SEL1L: variants seen among roughly 807,000 people sequenced by gnomAD.
SEL1L encodes the protein SEL1L adaptor subunit of SYVN1 ubiquitin ligase, also known as protein sel-1 homolog 1.
A neutral mutation model predicts 109.8 loss-of-function variants in SEL1L; 52 were observed. The observed-to-expected ratio is 0.47, with a 90% CI of 0.38 to 0.60. The LOEUF is 0.60. SEL1L is among the 20% of genes least tolerant of loss of function. The probability of loss-of-function intolerance (pLI) is 0.00; values close to 1 mark genes in which losing one functional copy is unlikely to be tolerated. For missense variants in SEL1L, 749 were observed against 962.2 expected (o/e 0.78, Z 2.93); for synonymous variants, 373 against 339.6 (o/e 1.10, Z -1.08).
At chr14:81,493,285 G>A (rs1014481060) in intron 11 of SEL1L, among the ~76,000 whole-genome samples, 19 of 152,096 alleles carry the variant, frequency 1.2e-4, no homozygotes, top group South Asian at 2.1e-4. Flanking sequence ...CAAGACGGGC[G>A]AATCACTTGA....
At position 81,502,807 on chromosome 14, in the gene SEL1L, A is replaced by C; in HGVS notation, c.691T>G (p.Phe231Val). 2 of 1,614,136 alleles carry C rather than the reference A, an allele frequency of 1.2e-6. No homozygotes were observed. The highest frequency in any genetic ancestry group is 1.7e-6 in the Non-Finnish European group (2 of 1,179,994). ...ATATTCTGTGGCAAGTAATCACCAA[A>C]TAAAAGAGCATATGACACTCTCTCC... Reference protein sequence around the residue: ...ALERVSYALLFGDYLPQNIQA... With the variant: ...ALERVSYALLVGDYLPQNIQA... Residue 231 changes from phenylalanine (F) to valine (V), a missense_variant, in exon 6 of 21, where the codon TTT becomes GTT. This residue lies in a region of SEL1L where 366 missense variants were observed against 399.8 expected (regional missense o/e 0.92). Transcript: ENST00000336735.
chr14:81,499,128 T>G, intron 8 of SEL1L: 1 of 1,021,784 alleles, frequency 9.8e-7, no homozygotes, highest in Non-Finnish European at 1.2e-6. Flanking sequence ...TAAAGAAAAA[T>G]TTTTAAAATT....
At chr14:81,479,063 C>T (rs1350913995) in intron 20 of SEL1L, among the ~76,000 whole-genome samples, 5 of 152,156 alleles carry the variant, frequency 3.3e-5, no homozygotes, top group African/African-American at 1.2e-4. Flanking sequence ...GTATTGCCAA[C>T]TAAAGTTGGT....
At chr14:81,532,560 A>G (rs1247411055) in intron 1 of SEL1L, among the ~76,000 whole-genome samples, 1 of 152,210 alleles carries the variant, frequency 6.6e-6, no homozygotes, top group Non-Finnish European at 1.5e-5. Flanking sequence ...AGTAATTAGC[A>G]TAGGGTTGGT....
chr14:81,482,421 G>C (rs1276000418), intron 19 of SEL1L, among the ~76,000 whole-genome samples: 1 of 152,124 alleles, frequency 6.6e-6, no homozygotes, highest in Non-Finnish European at 1.5e-5. Context: ...GCTCATACCT[G>C]CAATCCCAGC....
intron 14 of SEL1L, 162 bp downstream of exon 14, chr14:81,489,090 G>A (rs1180281180): frequency 7.3e-6 from 5 of 682,516 alleles, no homozygotes; most frequent in South Asian, 1.6e-5. Context: ...TGTCTGTCGG[G>A]TATGGGGTGG....
Position 81,487,514 on chromosome 14 carries a change from T to A in SEL1L, c.1508A>T (p.Tyr503Phe). The A allele has an allele frequency of 6.2e-7, 1 of 1,603,482 alleles. No homozygotes were observed. The highest frequency in any genetic ancestry group is 1.1e-5 in the South Asian group (1 of 88,552). ...YYNGIGVKRDYKQALKYFNLA... is the reference protein window; with the variant it reads ...YYNGIGVKRDFKQALKYFNLA... ...ATTAAAATACTTCAAGGCCTGTTTA[T>A]AATCTCTCTTGACTCCAATGCCATC... is the stretch of plus-strand genomic sequence containing the variant. Residue 503 changes from tyrosine (Y) to phenylalanine (F), a missense_variant, in exon 16 of 21, where the codon TAT becomes TTT. By Grantham distance (22) the Tyr-to-Phe change is conservative (BLOSUM62 3). Transcript: ENST00000336735.
intron 3 of SEL1L, among the ~76,000 whole-genome samples, chr14:81,514,715 G>A (rs1163773227): frequency 1.3e-5 from 2 of 152,122 alleles, no homozygotes; most frequent in African/African-American, 4.8e-5. Context: ...ACCGCGGGCG[G>A]TTCTGTCTTT....
chr14:81,509,536 T>TA (rs1884377579), intron 3 of SEL1L, among the ~76,000 whole-genome samples: 2 of 152,236 alleles, frequency 1.3e-5, no homozygotes, highest in Non-Finnish European at 2.9e-5. Context: ...AAGATATTTA[T>TA]AGTACAGAAC....
intron 11 of SEL1L, among the ~76,000 whole-genome samples, chr14:81,493,098 C>A (rs1207636091): frequency 6.6e-6 from 1 of 152,162 alleles, no homozygotes. Flanking sequence ...GTATTGCAGC[C>A]CATTTTTGTT....
chr14:81,533,632 G>T (rs752559517), intron 1 of SEL1L, 43 bp downstream of exon 1: 744 of 1,592,212 alleles, frequency 4.7e-4, no homozygotes, highest in Non-Finnish European at 6.0e-4. Context: ...GAGGCTGGGG[G>T]GCGGAGGCTC....
chr14:81,503,278 C>A (rs979531783), intron 5 of SEL1L, among the ~76,000 whole-genome samples: 1 of 152,182 alleles, frequency 6.6e-6, no homozygotes, highest in East Asian at 1.9e-4. Context: ...CGCCTAGCCA[C>A]CCCCTCTGAT....
At chr14:81,529,194 C>A (rs1368590867) in intron 1 of SEL1L, among the ~76,000 whole-genome samples, 1 of 152,150 alleles carries the variant, frequency 6.6e-6, no homozygotes, top group Non-Finnish European at 1.5e-5. Context: ...TTCATGCTAA[C>A]TTCTTCACAA....
intron 3 of SEL1L, among the ~76,000 whole-genome samples, chr14:81,516,830 C>T (rs887295739): frequency 2.6e-5 from 4 of 152,188 alleles, no homozygotes; most frequent in African/African-American, 9.7e-5. Flanking sequence ...TGCATCAGTT[C>T]TGAGGGAGAG....
intron 12 of SEL1L, among the ~76,000 whole-genome samples, chr14:81,492,176 AC>A (rs1883563297): frequency 6.6e-6 from 1 of 151,950 alleles, no homozygotes; most frequent in Non-Finnish European, 1.5e-5. Context: ...TATTTTTAGT[AC>A]AGATGGGGTT....
At chr14:81,477,333 G>GTGTGTGTC in intron 20 of SEL1L, 152 bp from the exon 21 acceptor site, 1 of 632,118 alleles carries the variant, frequency 1.6e-6, no homozygotes, top group Non-Finnish European at 2.7e-6. Flanking sequence ...GTGTGTGTGT[G>GTGTGTGTC]TGTTTAAAGC....
chr14:81,473,859 GA>G lies in SEL1L; in HGVS notation c.*3112del, dbSNP rs1426908377. 6.6e-6 allele frequency: 1 copy of G among 151,772 alleles called. No homozygotes were observed. Among genetic ancestry groups the G allele is most frequent in the Non-Finnish European group, 1.5e-5 (1 of 67,928 alleles). 9.4% of individuals were successfully genotyped at this position (151,772 alleles called of 1,614,324 possible). A position where few individuals can be genotyped will look rare whatever the true frequency, so the allele number is the denominator to read the frequency against. On this transcript the variant is annotated 3_prime_UTR_variant, in exon 21 of 21. Coordinates refer to ENST00000336735, the MANE Select transcript of SEL1L (RefSeq NM_005065.6). ...GAACATGAGGATAAAAGAAGGGAGA[GA>G]AAGACAAAGCAAAATAAAAAAAAAT...
Position 81,493,778 on chromosome 14 carries a change from C to T in SEL1L, c.1186-1230G>A, listed in dbSNP as rs191088734. On this transcript the variant is annotated intron_variant, in intron 11 of 20. Transcript: ENST00000336735. ...TTCATACTGCCAATCTAAATTTCAG[C>T]TCACCTCACTCCACCTTTCTCTGCA... Among the ~76,000 whole-genome samples, 5 of 152,324 alleles carry T rather than the reference C, an allele frequency of 3.3e-5. No homozygotes were observed. In the East Asian group the frequency reaches 9.6e-4, roughly 29 times the overall value.
At chr14:81,527,228 C>T (rs1285149867) in intron 2 of SEL1L, among the ~76,000 whole-genome samples, 2 of 152,170 alleles carry the variant, frequency 1.3e-5, no homozygotes, top group African/African-American at 4.8e-5. Flanking sequence ...TTTTCCTCCA[C>T]ATGCCCCCAA....
Sources: allele counts gnomAD v4.1 joint callset (sites outside exome capture counted in the v4.1 genomes callset), GRCh38; gene constraint gnomAD v4.1.1; regional missense constraint gnomAD v4.1.1; transcripts MANE v1.5; gene names NCBI Gene and HGNC (gene_info 2026-07-23, HGNC 2026-07-21).